The following NPAT variants were observed in gnomAD, a reference collection of about 807,000 sequenced individuals.
The protein encoded by NPAT is nuclear protein, coactivator of histone transcription, also known as protein NPAT.
Under a neutral mutation model 130.7 loss-of-function variants are expected in NPAT, and 52 were observed. The observed-to-expected ratio is 0.40, with a 90% CI of 0.32 to 0.50. The LOEUF (loss-of-function observed/expected upper bound fraction) is 0.50. Ranked by LOEUF, NPAT falls within the 20% of genes least tolerant of loss-of-function variation. The probability of loss-of-function intolerance (pLI) is 0.68; values close to 1 mark genes in which losing one functional copy is unlikely to be tolerated. For synonymous variants in NPAT, 580 were observed against 584.8 expected, an observed-to-expected ratio of 0.99 and a Z score of 0.12; for missense variants, 1,687 against 1,662.6, an observed-to-expected ratio of 1.01 and a Z score of -0.26.
At chr11:108,192,053 G>A (rs1381286282) in intron 4 of NPAT, 65 bp downstream of exon 4, 1 of 1,081,968 alleles carries the variant, frequency 9.2e-7, no homozygotes, top group African/African-American at 1.6e-5. Context: ...TAGGTCTTAA[G>A]AAGATTTAAA....
rs1565309091 is a variant in NPAT at position 108,169,802 on chromosome 11, T to C, written c.2952A>G (p.Gln984=). 1.2e-6 allele frequency: 2 copies of C among 1,614,054 alleles called. No homozygotes were observed. The stretch of plus-strand genomic sequence containing the variant: ...TCTGAGATTTTGGAGGGACGGGGAA[T>C]TGAGGGATACTTCTATTGCATACAG... The part of the protein sequence containing the change: ...TAPVCNRSIP[Q]FPVPPKSQKA... The change falls in exon 15 of 18, where the codon CAA becomes CAG. Residue 984 remains glutamine (Q), a synonymous_variant. Transcript: ENST00000278612.
At chr11:108,211,222 AAAG>A (rs2078380821) in intron 1 of NPAT, among the ~76,000 whole-genome samples, 1 of 151,820 alleles carries the variant, frequency 6.6e-6, no homozygotes, top group African/African-American at 2.4e-5. Context: ...CTAAAAAAAA[AAAG>A]AAAAGAAACA....
At chr11:108,159,648 C>T (rs756946433) in intron 17 of NPAT, among the ~76,000 whole-genome samples, 2 of 152,044 alleles carry the variant, frequency 1.3e-5, no homozygotes, top group African/African-American at 4.8e-5. Context: ...CTAACCAAAT[C>T]GAAAATAAAT....
chr11:108,173,321 T>C lies in NPAT; in HGVS notation c.1663A>G (p.Asn555Asp). 1 of 1,612,616 alleles carries C rather than the reference T, an allele frequency of 6.2e-7. No homozygotes were observed. The highest frequency in any genetic ancestry group is 8.5e-7 in the Non-Finnish European group (1 of 1,179,030). The change falls in exon 13 of 18, where the codon AAT becomes GAT. Residue 555 changes from asparagine (N) to aspartate (D), a missense_variant. Coordinates refer to ENST00000278612, the MANE Select transcript of NPAT (RefSeq NM_002519.3). ...TTAATTTTAAGTTTTACTGTATCAT[T>C]AGAATTTTCACAAAATTGACTTTTT... is the stretch of plus-strand genomic sequence containing the variant. ...SKKSQFCENS[N>D]DTVKLKINFH...
Position 108,172,665 on chromosome 11 carries a change from C to T in NPAT, c.2319G>A (p.Leu773=), listed in dbSNP as rs2077963806. Residue 773 remains leucine, a synonymous_variant, in exon 13 of 18, where the codon TTG becomes TTA. Transcript: ENST00000278612. ...TAGTAGGTGATTTAGTAGGAGAAGA[C>T]AAGATTATAGTTGGCAGGTTTTCTC... The part of the protein sequence containing the change: ...INGENLPTII[L]SSPTKSPTKN... 1 of 1,613,880 alleles carries T rather than the reference C, an allele frequency of 6.2e-7. No individual in the cohort carries two copies. The highest frequency in any genetic ancestry group is 1.7e-5 in the Admixed American group (1 of 59,994).
chr11:108,171,924 T>C (rs2077955186), intron 13 of NPAT: 2 of 414,540 alleles, frequency 4.8e-6, no homozygotes, highest in Non-Finnish European at 8.7e-6. Flanking sequence ...TTAGTCTGTC[T>C]TTTCTGTTTA....
At position 108,161,527 on chromosome 11, in the gene NPAT, A is replaced by T. The variant is rs998803238; in HGVS notation, c.3559T>A (p.Ser1187Thr). ...RQKNPENSKL[S>T]IGQQNGGLRS... ...AAACCCCCATTTTGCTGCCCAATAGATAGTTTTGAATTTTCTGGATTTTTC... is the reference window on the plus strand; with the variant it reads ...AAACCCCCATTTTGCTGCCCAATAGTTAGTTTTGAATTTTCTGGATTTTTC... Residue 1187 changes from serine (S) to threonine (T), a missense_variant, in exon 17 of 18, where the codon TCT becomes ACT. This residue lies in a region of NPAT where 1,379 missense variants were observed against 1,346.6 expected (regional missense o/e 1.02). Transcript: ENST00000278612. The T allele has an allele frequency of 2.0e-5, 33 of 1,614,130 alleles. No individual in the cohort carries two copies. Among genetic ancestry groups the T allele is most frequent in the Non-Finnish European group, 2.7e-5 (32 of 1,180,022 alleles).
intron 3 of NPAT, 60 bp downstream of exon 3, chr11:108,193,897 T>A: frequency 9.8e-7 from 1 of 1,016,030 alleles, no homozygotes; most frequent in Non-Finnish European, 1.5e-6. Flanking sequence ...CATTTTTAAC[T>A]AAATCAAGTA....
At chr11:108,189,568 T>C (rs2134863429) in intron 5 of NPAT, among the ~76,000 whole-genome samples, 2 of 152,308 alleles carry the variant, frequency 1.3e-5, no homozygotes, top group Middle Eastern at 6.8e-3. Context: ...GATAACACCA[T>C]GAATTAAGAA....
chr11:108,202,137 T>G (rs1017428346), intron 1 of NPAT, among the ~76,000 whole-genome samples: 1 of 152,192 alleles, frequency 6.6e-6, no homozygotes, highest in African/African-American at 2.4e-5. Context: ...CTAAGTATAC[T>G]TTCCTAGTCC....
At chr11:108,200,752 G>A (rs2078268753) in intron 1 of NPAT, among the ~76,000 whole-genome samples, 1 of 152,162 alleles carries the variant, frequency 6.6e-6, no homozygotes, top group South Asian at 2.1e-4. Context: ...GAAGGAGACT[G>A]GTCCAAGACC....
chr11:108,201,645 G>C (rs2078276237), intron 1 of NPAT, among the ~76,000 whole-genome samples: 1 of 152,238 alleles, frequency 6.6e-6, no homozygotes, highest in South Asian at 2.1e-4. Flanking sequence ...GTCAGTACCA[G>C]AGGCCACTAA....
intron 4 of NPAT, 144 bp downstream of exon 4, chr11:108,191,974 A>T: frequency 1.5e-6 from 1 of 678,078 alleles, no homozygotes; most frequent in Non-Finnish European, 2.7e-6. Context: ...GTCAGTCAGT[A>T]ACCTCCACAG....
In NPAT at chr11:108,190,497, G is replaced by A; in HGVS notation, c.294C>T (p.Ser98=). The change falls in exon 5 of 18, where the codon AGC becomes AGT. Residue 98 remains serine (S), a synonymous_variant. Coordinates refer to ENST00000278612, the MANE Select transcript of NPAT (RefSeq NM_002519.3). ...KLDHTLSQIR[S]MQSSPRFAGS... is the part of the protein sequence containing the mutation. ...CAGCAAACCTTGGGGAACTTTGCAT[G>A]CTCCTAACAAAGAAAACAAAGTAGT... The A allele has an allele frequency of 6.2e-7, 1 of 1,613,474 alleles. No individual in the cohort carries two copies. Among genetic ancestry groups the A allele is most frequent in the Non-Finnish European group, 8.5e-7 (1 of 1,179,462 alleles).
intron 11 of NPAT, among the ~76,000 whole-genome samples, chr11:108,176,749 T>G (rs1040719099): frequency 6.6e-6 from 1 of 152,192 alleles, no homozygotes; most frequent in Admixed American, 6.5e-5. Context: ...CATCAACACA[T>G]TCCCTGATGA....
chr11:108,206,914 GAGGATACCCACAGTGGGAA>G (rs2078331031), intron 1 of NPAT, among the ~76,000 whole-genome samples: 1 of 152,152 alleles, frequency 6.6e-6, no homozygotes, highest in South Asian at 2.1e-4. Flanking sequence ...TCTCAGTGGA[GAGGATACCCACAGTGGGAA>G]GCTCCTTTCT....
chr11:108,159,162 T>A, intron 17 of NPAT, 143 bp from the exon 18 acceptor site: 1 of 596,048 alleles, frequency 1.7e-6, no homozygotes, highest in Non-Finnish European at 3.0e-6. Flanking sequence ...TTTACTTCTA[T>A]AGAGAAGTAG....
chr11:108,213,060 G>A (rs2134898801), intron 1 of NPAT, among the ~76,000 whole-genome samples: 1 of 152,088 alleles, frequency 6.6e-6, no homozygotes, highest in South Asian at 2.1e-4. Flanking sequence ...AATCACCTGA[G>A]GTCGGGAGTT....
At chr11:108,215,499 C>A (rs1221471147) in intron 1 of NPAT, among the ~76,000 whole-genome samples, 2 of 152,154 alleles carry the variant, frequency 1.3e-5, no homozygotes, top group African/African-American at 4.8e-5. Context: ...ATATAACAAA[C>A]CTGCACATGT....
Sources: allele counts gnomAD v4.1 joint callset (sites outside exome capture counted in the v4.1 genomes callset), GRCh38; gene constraint gnomAD v4.1.1; regional missense constraint gnomAD v4.1.1; transcripts MANE v1.5; gene names NCBI Gene and HGNC (gene_info 2026-07-23, HGNC 2026-07-21).